The following ZC3H3 variants were observed in gnomAD, a reference collection of about 807,000 sequenced individuals.
ZC3H3 encodes zinc finger CCCH domain-containing protein 3.
ZC3H3 carries 36 observed loss-of-function variants against 77.3 expected under a neutral mutation model. The observed-to-expected ratio is 0.47, with a 90% CI of 0.36 to 0.61. The LOEUF (loss-of-function observed/expected upper bound fraction) is 0.61, where lower values mean the gene tolerates loss of function less well. ZC3H3 is among the 20% of genes least tolerant of loss of function. ZC3H3 has a pLI of 0.00. For missense variants in ZC3H3, 1,331 were observed against 1,312.2 expected, an observed-to-expected ratio of 1.01 and a Z score of -0.22; for synonymous variants, 626 against 555.2, an observed-to-expected ratio of 1.13 and a Z score of -1.79.
intron 3 of ZC3H3, among the ~76,000 whole-genome samples, chr8:143,518,453 C>A (rs544183872): frequency 5.9e-5 from 9 of 152,360 alleles, no homozygotes; most frequent in African/African-American, 2.2e-4. Flanking sequence ...AGAGTCCTGG[C>A]AACACCCTCC....
rs1586864260 is a variant in ZC3H3 at position 143,437,923 on chromosome 8, G to A, written c.*133C>T. ...TGGAAGGTTGAGGGCCAGGCAGGCAGAGCAGTGTCCCTGTGGCCCCCAGGT... is the reference window on the plus strand; with the variant it reads ...TGGAAGGTTGAGGGCCAGGCAGGCAAAGCAGTGTCCCTGTGGCCCCCAGGT... On this transcript the variant is annotated 3_prime_UTR_variant, in exon 12 of 12. Coordinates refer to ENST00000262577, the MANE Select transcript of ZC3H3 (RefSeq NM_015117.3). 1.6e-6 allele frequency: 2 copies of A among 1,259,108 alleles called. No individual in the cohort carries two copies. The highest frequency in any genetic ancestry group is 1.5e-5 in the African/African-American group (1 of 67,042). The allele number at this position is 1,259,108 out of a possible 1,614,324, so 78.0% of individuals were successfully genotyped here.
chr8:143,438,079 G>A lies in ZC3H3; in HGVS notation c.2824C>T (p.Leu942=). ...APLTKDSGKP[L]HIKPRL ...CCTCACAGACGTGGTTTGATGTGCA[G>A]AGGCTTCCCTATGCAAAGAGGGCAA... is the stretch of plus-strand genomic sequence containing the variant. The change falls in exon 12 of 12, where the codon CTG becomes TTG. Residue 942 remains leucine (L), a synonymous_variant. Coordinates refer to ENST00000262577, the MANE Select transcript of ZC3H3 (RefSeq NM_015117.3). The A allele has an allele frequency of 6.2e-7, 1 of 1,611,104 alleles. No individual in the cohort carries two copies. The highest frequency in any genetic ancestry group is 8.5e-7 in the Non-Finnish European group (1 of 1,178,854).
intron 4 of ZC3H3, among the ~76,000 whole-genome samples, chr8:143,483,595 C>G (rs1026797754): frequency 6.6e-6 from 1 of 152,158 alleles, no homozygotes; most frequent in Non-Finnish European, 1.5e-5. Context: ...TAGGCGGGCT[C>G]CCGGCTCCTG....
At chr8:143,439,227 G>C (rs184157624) in intron 11 of ZC3H3, among the ~76,000 whole-genome samples, 14 of 152,166 alleles carry the variant, frequency 9.2e-5, no homozygotes, top group African/African-American at 3.4e-4. Context: ...GTCTGGCCAC[G>C]GCTCCACGCC....
At chr8:143,476,926 A>C (rs1820750871) in intron 4 of ZC3H3, among the ~76,000 whole-genome samples, 1 of 152,244 alleles carries the variant, frequency 6.6e-6, no homozygotes, top group Middle Eastern at 3.4e-3. Flanking sequence ...TGCCCCCTAG[A>C]CCCAGGCCCG....
chr8:143,479,370 G>A (rs754626661), intron 4 of ZC3H3, among the ~76,000 whole-genome samples: 3 of 152,178 alleles, frequency 2.0e-5, no homozygotes, highest in Non-Finnish European at 2.9e-5. Context: ...TGAGAAGGGG[G>A]ATGAAATTAA....
intron 3 of ZC3H3, among the ~76,000 whole-genome samples, chr8:143,517,465 G>T (rs990126877): frequency 1.3e-5 from 2 of 152,190 alleles, no homozygotes; most frequent in African/African-American, 4.8e-5. Flanking sequence ...CCAAGCAGGT[G>T]GGGTAGGCTC....
chr8:143,536,389 G>A lies in ZC3H3; in HGVS notation c.1429C>T (p.Arg477Trp), dbSNP rs762712152. 4.1e-5 allele frequency: 64 copies of A among 1,579,650 alleles called. No homozygotes were observed. The highest frequency in any genetic ancestry group is 7.3e-5 in the Admixed American group (4 of 55,040). The change falls in exon 3 of 12, where the codon CGG becomes TGG. Residue 477 changes from arginine (R) to tryptophan (W), a missense_variant. Around this residue, in one of 3 missense-constraint regions of ZC3H3, gnomAD observed 978 missense variants for 915.5 expected, o/e 1.07. Coordinates refer to ENST00000262577, the MANE Select transcript of ZC3H3 (RefSeq NM_015117.3). ...TTCCCCCTGAGGGCCTGTCTCCGCC[G>A]GAGGCTGAGGTGGCTCTTGGCGGTG... ...AATAKSHLSL[R>W]RRQALRGKSS...
intron 3 of ZC3H3, among the ~76,000 whole-genome samples, chr8:143,514,610 T>C (rs975687518): frequency 3.3e-5 from 5 of 152,038 alleles, no homozygotes; most frequent in Middle Eastern, 3.2e-3. Flanking sequence ...CGGGGCCGGG[T>C]TGCTCACCCC....
intron 4 of ZC3H3, among the ~76,000 whole-genome samples, chr8:143,501,302 G>C (rs1009132365): frequency 2.0e-5 from 3 of 152,140 alleles, no homozygotes; most frequent in Non-Finnish European, 4.4e-5. Flanking sequence ...CTGGGTTCAA[G>C]TGATCCTCCT....
intron 5 of ZC3H3, among the ~76,000 whole-genome samples, chr8:143,471,138 A>G (rs991871425): frequency 6.6e-6 from 1 of 152,212 alleles, no homozygotes; most frequent in African/African-American, 2.4e-5. Flanking sequence ...ATCCACGATG[A>G]CCGGGGCACG....
At position 143,468,267 on chromosome 8, in the gene ZC3H3, C is replaced by A; in HGVS notation, c.2117G>T (p.Gly706Val). ...KVAVCTRFVR[G>V]TCKKTDGTCP... Reference sequence around the variant, plus strand: ...GGTCCCATCCGTTTTCTTGCAGGTGCCCCGGACAAACCTGCAGCACCAGGA... The same window carrying A: ...GGTCCCATCCGTTTTCTTGCAGGTGACCCGGACAAACCTGCAGCACCAGGA... The change falls in exon 8 of 12, where the codon GGC becomes GTC. Residue 706 changes from glycine (G) to valine (V), a missense_variant. Gly to Val is a moderately radical substitution (Grantham distance 109). This residue lies in a region of ZC3H3 where 104 missense variants were observed against 159.7 expected (regional missense o/e 0.65). Transcript: ENST00000262577. 3 of 1,613,094 alleles carry A rather than the reference C, an allele frequency of 1.9e-6. No individual in the cohort carries two copies. The highest frequency in any genetic ancestry group is 2.5e-6 in the Non-Finnish European group (3 of 1,179,952).
rs1822865249 is a variant in ZC3H3 at position 143,538,155 on chromosome 8, G to A, written c.1212C>T (p.Ala404=). The A allele has an allele frequency of 2.5e-6, 4 of 1,613,086 alleles. No individual in the cohort carries two copies. The highest frequency in any genetic ancestry group is 3.4e-6 in the Non-Finnish European group (4 of 1,180,020). ...WQSEASSKDH[A]SQLSPVLSRS... ...TAGACAGGACTGGGGAGAGCTGGGA[G>A]GCATGGTCCTTGCTGCTGGCCTCCG... Residue 404 remains alanine, a synonymous_variant, in exon 2 of 12, where the codon GCC becomes GCT. Coordinates refer to ENST00000262577, the MANE Select transcript of ZC3H3 (RefSeq NM_015117.3).
intron 3 of ZC3H3, among the ~76,000 whole-genome samples, chr8:143,508,988 G>A (rs1188572984): frequency 6.6e-6 from 1 of 152,120 alleles, no homozygotes; most frequent in African/African-American, 2.4e-5. Context: ...CCTCCTTGAG[G>A]CCGAGCTTCT....
intron 5 of ZC3H3, 53 bp downstream of exon 5, chr8:143,475,345 C>A (rs1820702219): frequency 1.3e-6 from 2 of 1,569,310 alleles, no homozygotes; most frequent in Admixed American, 1.8e-5. Flanking sequence ...CAATGCCCAC[C>A]ACACGCTAGC....
At chr8:143,439,957 T>A in intron 11 of ZC3H3, 84 bp downstream of exon 11, 1 of 1,134,014 alleles carries the variant, frequency 8.8e-7, no homozygotes, top group Non-Finnish European at 1.2e-6. Context: ...GGGGGGGCCC[T>A]GGGGGCCTGA....
chr8:143,459,854 C>T (rs1331003688), intron 9 of ZC3H3, among the ~76,000 whole-genome samples: 3 of 152,144 alleles, frequency 2.0e-5, no homozygotes, highest in African/African-American at 4.8e-5. Context: ...CCATAGCTTA[C>T]GTCATATTCA....
chr8:143,523,614 C>A, intron 3 of ZC3H3: 1 of 859,122 alleles, frequency 1.2e-6, no homozygotes, highest in Non-Finnish European at 1.4e-6. Context: ...GTTTGAGGAC[C>A]CCTGTCCTCA....
chr8:143,448,841 T>G (rs1819922477), intron 9 of ZC3H3, among the ~76,000 whole-genome samples: 1 of 152,276 alleles, frequency 6.6e-6, no homozygotes, highest in Non-Finnish European at 1.5e-5. Context: ...GCAGTAGGCC[T>G]CTGCCTGGAC....
Sources: gnomAD v4.1 joint callset for allele counts (sites outside exome capture counted in the v4.1 genomes callset) on GRCh38, gnomAD v4.1.1 for gene constraint, gnomAD v4.1.1 regional missense constraint, MANE v1.5 for transcripts, NCBI Gene and HGNC (gene_info 2026-07-23, HGNC 2026-07-21) for gene names.